MICU3: variants seen among roughly 807,000 people sequenced by gnomAD.
MICU3 encodes the protein mitochondrial calcium uptake 3.
MICU3 carries 62 observed loss-of-function variants against 66.5 expected under a neutral mutation model. That is an observed-to-expected ratio of 0.93 (90% CI 0.76 to 1.15). The LOEUF (loss-of-function observed/expected upper bound fraction) is 1.15, where lower values mean the gene tolerates loss of function less well. Ranked by LOEUF, MICU3 falls within the 50% of genes most tolerant of loss-of-function variation. The pLI, the probability that MICU3 is intolerant of heterozygous loss-of-function variation, is 0.00. For synonymous variants in MICU3, 308 were observed against 240.7 expected (o/e 1.28, Z -2.59); for missense variants, 779 against 664.4 (o/e 1.17, Z -1.90).
intron 2 of MICU3, 40 bp from the exon 3 acceptor site, chr8:17,069,648 A>T: frequency 1.6e-6 from 2 of 1,258,398 alleles, no homozygotes; most frequent in Non-Finnish European, 2.2e-6. Context: ...TATTCCATGA[A>T]GTATTTATTA....
Position 17,060,555 on chromosome 8 carries a change from G to A in MICU3, c.382-3529G>A, listed in dbSNP as rs138639630. Among the ~76,000 whole-genome samples, 1,043 of 152,068 alleles carry A rather than the reference G, an allele frequency of 6.9e-3. 66 individuals are homozygous for A. The East Asian group carries it at 0.16, about 24-fold the overall frequency. On this transcript the variant is annotated intron_variant, in intron 1 of 14. Transcript: ENST00000318063. ...TCGAACTCCTGACCTCAAGTGATCC[G>A]CCTGCCTCGGCCTCCCATAGTGCTG... is the stretch of plus-strand genomic sequence containing the variant.
chr8:17,033,491 A>T (rs896240583), intron 1 of MICU3, among the ~76,000 whole-genome samples: 19 of 151,918 alleles, frequency 1.3e-4, no homozygotes, highest in African/African-American at 4.4e-4. Flanking sequence ...GCTGGAGTGC[A>T]GTGGCGTGAT....
At chr8:17,055,023 C>A (rs1585252904) in intron 1 of MICU3, among the ~76,000 whole-genome samples, 2 of 152,128 alleles carry the variant, frequency 1.3e-5, no homozygotes. Flanking sequence ...AAGCATGAGC[C>A]ACCGTGCCCA....
chr8:17,036,173 C>A (rs1189088950), intron 1 of MICU3, among the ~76,000 whole-genome samples: 1 of 152,110 alleles, frequency 6.6e-6, no homozygotes, highest in Non-Finnish European at 1.5e-5. Flanking sequence ...AAGAGTGAAG[C>A]TGCAGACCTT....
At chr8:17,100,526 A>T (rs777030710) in intron 9 of MICU3, among the ~76,000 whole-genome samples, 1 of 151,706 alleles carries the variant, frequency 6.6e-6, no homozygotes, top group Non-Finnish European at 1.5e-5. Flanking sequence ...CGGAACACAG[A>T]ATTGTTTATA....
At chr8:17,060,123 A>G (rs850413) in intron 1 of MICU3, among the ~76,000 whole-genome samples, 15 of 152,330 alleles carry the variant, frequency 9.8e-5, no homozygotes, top group Non-Finnish European at 1.8e-4. Context: ...AGAGACAAAT[A>G]AGTTTGTAGA....
chr8:17,115,165 G>T (rs1802570827), intron 12 of MICU3, among the ~76,000 whole-genome samples: 1 of 150,952 alleles, frequency 6.6e-6, no homozygotes, highest in Non-Finnish European at 1.5e-5. Flanking sequence ...TTATGTTCTA[G>T]AGAGAAGCCA....
rs1811179812 is a variant in MICU3 at position 17,027,451 on chromosome 8, T to TGGAGGC, written c.175_180dup (p.Arg62_Arg63dup). ...GGAGAGGGCTGTGGCGGAGGCGGCA[T>TGGAGGC]GGAGGCGGCGGCGGCGCTGGGGGGA... On this transcript the variant is annotated inframe_insertion, in exon 1 of 15. Transcript: ENST00000318063. 7.7e-7 allele frequency: 1 copy of TGGAGGC among 1,299,728 alleles called. No individual in the cohort carries two copies. The allele number at this position is 1,299,728 out of a possible 1,614,324, so 80.5% of individuals were successfully genotyped here.
rs1801671851 is a variant in MICU3, at chr8:17,105,601, T to C, written c.1257+17T>C. 1 of 1,454,038 alleles carries C rather than the reference T, an allele frequency of 6.9e-7. No individual in the cohort carries two copies. 90.1% of individuals were successfully genotyped at this position (1,454,038 alleles called of 1,614,324 possible). ...GAAGAAAAGGTATCTAATCCTCATATTTAGTTGGTTATGTTACTGTTTTGC... is the reference window on the plus strand; with the variant it reads ...GAAGAAAAGGTATCTAATCCTCATACTTAGTTGGTTATGTTACTGTTTTGC... On this transcript the variant is annotated intron_variant, in intron 11 of 14. Transcript: ENST00000318063.
rs184256598 is a variant in MICU3 at position 17,122,442 on chromosome 8, G to C, written c.*2155G>C. On this transcript the variant is annotated 3_prime_UTR_variant, in exon 15 of 15. Transcript: ENST00000318063. The stretch of plus-strand genomic sequence containing the variant: ...ATAAACTGTTCTTTGGAAAAATTAA[G>C]TTATACATAAAATTCATATTAAACT... The C allele has an allele frequency of 9.9e-5, 15 of 151,808 alleles. No homozygotes were observed. Among genetic ancestry groups the C allele is most frequent in the African/African-American group, 3.6e-4 (15 of 41,504 alleles). 9.4% of individuals were successfully genotyped at this position (151,808 alleles called of 1,614,324 possible).
chr8:17,030,191 T>G (rs1485254748), intron 1 of MICU3, among the ~76,000 whole-genome samples: 1 of 152,244 alleles, frequency 6.6e-6, no homozygotes, highest in Non-Finnish European at 1.5e-5. Context: ...ATTATAACTT[T>G]GGCCTTCTCT....
downstream of MICU3, among the ~76,000 whole-genome samples, chr8:17,125,082 T>C (rs1038981953): frequency 2.0e-5 from 3 of 152,158 alleles, no homozygotes; most frequent in East Asian, 1.9e-4. Flanking sequence ...TTTTCTCTGC[T>C]CAGTTTTCCT....
At chr8:17,052,047 C>T (rs1242076207) in intron 1 of MICU3, among the ~76,000 whole-genome samples, 2 of 152,272 alleles carry the variant, frequency 1.3e-5, no homozygotes, top group East Asian at 3.9e-4. Flanking sequence ...AGGAGGTCTA[C>T]ATGCTGAACC....
chr8:17,128,009 C>T, the MICU3 span, among the ~76,000 whole-genome samples: 1 of 152,088 alleles, frequency 6.6e-6, no homozygotes. Context: ...AGGGGAGGCT[C>T]CTCAGCTAGA....
In MICU3 at chr8:17,028,448, A is replaced by AT. The variant is rs1223428386; in HGVS notation, c.381+796dup. On this transcript the variant is annotated intron_variant, in intron 1 of 14. Transcript: ENST00000318063. The stretch of plus-strand genomic sequence containing the variant: ...AGGCAACAGTGAGTAAAGGAGCGTG[A>AT]TTTTTTTTGTCGCATCAGTATATTT... Among the ~76,000 whole-genome samples, 17 of 152,150 alleles carry AT rather than the reference A, an allele frequency of 1.1e-4. No homozygotes were observed. In the East Asian group the frequency reaches 1.2e-3, roughly 10 times the overall value.
intron 5 of MICU3, 129 bp downstream of exon 5, chr8:17,081,869 T>C: frequency 1.7e-6 from 1 of 572,066 alleles, no homozygotes; most frequent in Non-Finnish European, 3.2e-6. Flanking sequence ...TCATGTTTAA[T>C]GCTACAGAAA....
intron 1 of MICU3, among the ~76,000 whole-genome samples, chr8:17,053,632 A>G (rs1170458202): frequency 6.6e-6 from 1 of 152,164 alleles, no homozygotes; most frequent in Admixed American, 6.5e-5. Context: ...TAAGCTTCTC[A>G]TCTTAGTTCT....
At chr8:17,110,741 A>G (rs949322857) in intron 11 of MICU3, among the ~76,000 whole-genome samples, 178 of 148,054 alleles carry the variant, frequency 1.2e-3, no homozygotes, top group East Asian at 1.8e-3. Context: ...TTTTTTGGGG[A>G]GGGGGGGGTA....
At chr8:17,056,143 A>T (rs1224538448) in intron 1 of MICU3, among the ~76,000 whole-genome samples, 1 of 152,174 alleles carries the variant, frequency 6.6e-6, no homozygotes, top group African/African-American at 2.4e-5. Flanking sequence ...TCAGATTCCT[A>T]TCTTAGAAGG....
Sources: gnomAD v4.1 joint callset for allele counts (sites outside exome capture counted in the v4.1 genomes callset) on GRCh38, gnomAD v4.1.1 for gene constraint, MANE v1.5 for transcripts, NCBI Gene and HGNC (gene_info 2026-07-23, HGNC 2026-07-21) for gene names.